Variants in ESRRG observed in about 807,000 individuals in gnomAD.
The protein encoded by ESRRG is estrogen related receptor gamma.
In ESRRG, 13 loss-of-function variants were observed where a neutral mutation model predicts 44.0. The observed-to-expected ratio is 0.30, with a 90% confidence interval of 0.19 to 0.47. The LOEUF (loss-of-function observed/expected upper bound fraction) is 0.47, where lower values mean the gene tolerates loss of function less well. Among genes scored for constraint, ESRRG ranks in the 20% least tolerant of loss-of-function variants. The probability of loss-of-function intolerance (pLI) is 1.00; values close to 1 mark genes in which losing one functional copy is unlikely to be tolerated. For missense variants in ESRRG, 395 were observed against 580.6 expected (o/e 0.68, Z 3.29); for synonymous variants, 215 against 214.6 (o/e 1.00, Z -0.02).
chr1:216,825,330 C>T (rs1479813853), intron 2 of ESRRG, among the ~76,000 whole-genome samples: 8 of 152,212 alleles, frequency 5.3e-5, no homozygotes, highest in Admixed American at 3.3e-4. Flanking sequence ...ATTGGTTATA[C>T]AGCTGAATAT....
intron 1 of ESRRG, among the ~76,000 whole-genome samples, chr1:216,953,402 C>A (rs554389966): frequency 6.6e-5 from 10 of 152,120 alleles, no homozygotes; most frequent in Non-Finnish European, 1.5e-4. Context: ...CTTAGTAATG[C>A]AATAGAGCAA....
At chr1:216,855,988 A>G (rs1213680599) in intron 2 of ESRRG, among the ~76,000 whole-genome samples, 9 of 152,188 alleles carry the variant, frequency 5.9e-5, no homozygotes, top group Non-Finnish European at 1.3e-4. Context: ...TGATAGTTTC[A>G]GCCAGCTTGG....
At chr1:216,610,530 GAGAAACA>G (rs1160090592) in intron 3 of ESRRG, among the ~76,000 whole-genome samples, 1 of 152,092 alleles carries the variant, frequency 6.6e-6, no homozygotes, top group Non-Finnish European at 1.5e-5. Context: ...TGCAGTGTAG[GAGAAACA>G]AGTTGCCTAA....
At chr1:216,761,605 A>G (rs755801676) in intron 2 of ESRRG, among the ~76,000 whole-genome samples, 6 of 152,172 alleles carry the variant, frequency 3.9e-5, no homozygotes, top group Non-Finnish European at 7.3e-5. Context: ...TAAAGAATAC[A>G]ACAATTAAAA....
intron 2 of ESRRG, among the ~76,000 whole-genome samples, chr1:216,743,338 C>T (rs1182602386): frequency 6.6e-6 from 1 of 152,162 alleles, no homozygotes; most frequent in East Asian, 1.9e-4. Flanking sequence ...TAAAACAATA[C>T]ACCCTCCTTG....
intron 2 of ESRRG, among the ~76,000 whole-genome samples, chr1:216,837,405 C>T (rs767260991): frequency 7.7e-4 from 47 of 60,728 alleles, no homozygotes; most frequent in Non-Finnish European, 1.2e-3. Context: ...AGCAAGACTC[C>T]GTATCAAAAA....
At position 216,503,594 on chromosome 1, in the gene ESRRG, G is replaced by C. The variant is rs904762052; in HGVS notation, c.*3345C>G. The C allele has an allele frequency of 2.2e-4, 33 of 152,326 alleles. No homozygotes were observed. Among genetic ancestry groups the C allele is most frequent in the African/African-American group, 7.7e-4 (32 of 41,360 alleles). The allele number at this position is 152,326 out of a possible 1,614,324, so 9.4% of individuals were successfully genotyped here. A position where few individuals can be genotyped will look rare whatever the true frequency, so the allele number is the denominator to read the frequency against. ...AATTTTTTGTCCTTTTACGATCTTTGCACATAAGACTGCCATAAAATGTTT... is the reference window on the plus strand; with the variant it reads ...AATTTTTTGTCCTTTTACGATCTTTCCACATAAGACTGCCATAAAATGTTT... On this transcript the variant is annotated 3_prime_UTR_variant, in exon 7 of 7. Coordinates refer to ENST00000408911, the MANE Select transcript of ESRRG (RefSeq NM_001438.4).
chr1:216,683,947 A>T (rs2077482242), intron 1 of ESRRG, among the ~76,000 whole-genome samples: 1 of 152,214 alleles, frequency 6.6e-6, no homozygotes, highest in African/African-American at 2.4e-5. Flanking sequence ...ACATATAAAG[A>T]TACCTGTAGA....
chr1:216,951,237 A>G (rs1330454028), intron 1 of ESRRG, among the ~76,000 whole-genome samples: 1 of 152,226 alleles, frequency 6.6e-6, no homozygotes, highest in East Asian at 1.9e-4. Flanking sequence ...TATTAGTAAC[A>G]TTAAGCTTAG....
rs796120175 is a variant in ESRRG at position 216,872,292 on chromosome 1, T to C, written c.-14+67290A>G. On this transcript the variant is annotated intron_variant, in intron 2 of 7. Transcript: ENST00000359162. Reference sequence around the variant, plus strand: ...CTGAACATGGATTTATTTGGATTCATACTGTTTGATTTTCACTGAACCTGA... The same window carrying C: ...CTGAACATGGATTTATTTGGATTCACACTGTTTGATTTTCACTGAACCTGA... Among the ~76,000 whole-genome samples, 35 of 152,312 alleles carry C rather than the reference T, an allele frequency of 2.3e-4. 1 individual carries two copies. The highest frequency in any genetic ancestry group is 7.9e-4 in the African/African-American group (33 of 41,584).
rs148256636 is a variant in ESRRG, at chr1:216,704,092, G to A, written c.56+19152C>T. The stretch of plus-strand genomic sequence containing the variant: ...TGTGATTCATTTTCATGTGTGTTCC[G>A]TTCCCCATATAGACCTTGCTTATTT... On this transcript the variant is annotated intron_variant, in intron 1 of 6. Transcript: ENST00000408911. Among the ~76,000 whole-genome samples, 1,287 of 152,232 alleles carry A rather than the reference G, an allele frequency of 8.5e-3. 9 individuals are homozygous for A. Among genetic ancestry groups the A allele is most frequent in the Non-Finnish European group, 0.011 (776 of 68,018 alleles).
At chr1:217,085,517 A>T (rs1464936248) in intron 1 of ESRRG, among the ~76,000 whole-genome samples, 11 of 95,162 alleles carry the variant, frequency 1.2e-4, no homozygotes, top group Middle Eastern at 0.013. Flanking sequence ...TTTTAGACGA[A>T]GTCTCACTCT....
chr1:216,631,964 C>T (rs995874971), intron 3 of ESRRG, among the ~76,000 whole-genome samples: 1 of 152,112 alleles, frequency 6.6e-6, no homozygotes, highest in Non-Finnish European at 1.5e-5. Flanking sequence ...GAGGTGCCCT[C>T]CGTACCATAA....
intron 1 of ESRRG, among the ~76,000 whole-genome samples, chr1:217,125,684 G>A (rs2092880273): frequency 6.6e-6 from 1 of 152,194 alleles, no homozygotes; most frequent in Non-Finnish European, 1.5e-5. Context: ...AACACCTCAA[G>A]TAAGAACAAC....
At chr1:217,136,912 T>C (rs980431189) in intron 1 of ESRRG, among the ~76,000 whole-genome samples, 2 of 151,910 alleles carry the variant, frequency 1.3e-5, no homozygotes, top group Non-Finnish European at 2.9e-5. Flanking sequence ...ATTGAGGAAA[T>C]TGGAGATATT....
intron 2 of ESRRG, among the ~76,000 whole-genome samples, chr1:216,842,007 G>T (rs916728034): frequency 3.9e-5 from 6 of 151,920 alleles, no homozygotes; most frequent in African/African-American, 1.5e-4. Flanking sequence ...ATAAGCTTTG[G>T]CCATTAAAGA....
intron 2 of ESRRG, among the ~76,000 whole-genome samples, chr1:216,788,992 G>A (rs2094222388): frequency 6.6e-6 from 1 of 152,134 alleles, no homozygotes; most frequent in African/African-American, 2.4e-5. Context: ...TAGAGGAGGA[G>A]TTGCTTCTTA....
intron 3 of ESRRG, among the ~76,000 whole-genome samples, chr1:216,621,093 T>G (rs1204195253): frequency 6.6e-6 from 1 of 152,288 alleles, no homozygotes; most frequent in Middle Eastern, 3.4e-3. Context: ...CAGATATGTA[T>G]CCACAGTAGA....
intron 1 of ESRRG, among the ~76,000 whole-genome samples, chr1:217,059,265 T>C (rs988245274): frequency 5.3e-5 from 8 of 151,352 alleles, no homozygotes; most frequent in African/African-American, 1.7e-4. Flanking sequence ...GGTTATTATA[T>C]AATAAAGTAA....
Sources: gnomAD v4.1 joint callset for allele counts (sites outside exome capture counted in the v4.1 genomes callset) on GRCh38, gnomAD v4.1.1 for gene constraint, MANE v1.5 for transcripts, NCBI Gene and HGNC (gene_info 2026-07-23, HGNC 2026-07-21) for gene names.